Variants in ST3GAL1 observed in about 807,000 individuals in gnomAD.
ST3GAL1 encodes the protein CMP-N-acetylneuraminate-beta-galactosamide-alpha-2,3-sialyltransferase 1.
ST3GAL1 carries 16 observed loss-of-function variants against 34.1 expected under a neutral mutation model. The observed-to-expected ratio is 0.47, with a 90% CI of 0.32 to 0.71. ST3GAL1 has a LOEUF of 0.71. Ranked by LOEUF, ST3GAL1 falls within the 30% of genes least tolerant of loss-of-function variation. The pLI, the probability that ST3GAL1 is intolerant of heterozygous loss-of-function variation, is 0.04. For missense variants in ST3GAL1, 353 were observed against 447.4 expected (o/e 0.79, Z 1.90); for synonymous variants, 191 against 184.7 (o/e 1.03, Z -0.28).
At chr8:133,476,248 G>A (rs182814895) in intron 4 of ST3GAL1, 30 bp downstream of exon 4, 3 of 472,790 alleles carry the variant, frequency 6.3e-6, no homozygotes, top group African/African-American at 5.9e-5. Context: ...CGCCATTCGT[G>A]GCATGTTGGC....
At chr8:133,512,637 G>A (rs1250620833) in intron 2 of ST3GAL1, among the ~76,000 whole-genome samples, 1 of 152,148 alleles carries the variant, frequency 6.6e-6, no homozygotes, top group Non-Finnish European at 1.5e-5. Context: ...GGCCAGCTGT[G>A]AGTCTGAGTC....
At chr8:133,509,970 A>C (rs2131009679) in intron 2 of ST3GAL1, among the ~76,000 whole-genome samples, 1 of 151,754 alleles carries the variant, frequency 6.6e-6, no homozygotes, top group Middle Eastern at 3.4e-3. Context: ...GAGGCAGGAG[A>C]ATTGCTTGAA....
chr8:133,507,390 C>T (rs544192540), intron 2 of ST3GAL1, among the ~76,000 whole-genome samples: 7 of 152,266 alleles, frequency 4.6e-5, no homozygotes, highest in Non-Finnish European at 1.0e-4. Context: ...ACGCCCATGG[C>T]GATGGTAGGG....
At chr8:133,514,347 G>A (rs1817584777) in intron 2 of ST3GAL1, among the ~76,000 whole-genome samples, 1 of 152,192 alleles carries the variant, frequency 6.6e-6, no homozygotes, top group East Asian at 1.9e-4. Flanking sequence ...TAGGATCACT[G>A]CAGGAGCTCA....
chr8:133,500,261 C>T lies in ST3GAL1; in HGVS notation c.-428-1072G>A, dbSNP rs527820635. The stretch of plus-strand genomic sequence containing the variant: ...CCTCATTCTCACCCTCTCCCCATGC[C>T]CCATCAATAATGGATGAGTCTGAGG... On this transcript the variant is annotated intron_variant, in intron 2 of 9. Coordinates refer to ENST00000522652, the MANE Select transcript of ST3GAL1 (RefSeq NM_173344.3). Among the ~76,000 whole-genome samples, 16 of 152,186 alleles carry T rather than the reference C, an allele frequency of 1.1e-4. No individual in the cohort carries two copies. The South Asian group carries it at 2.3e-3, about 22-fold the overall frequency.
intron 1 of ST3GAL1, among the ~76,000 whole-genome samples, chr8:133,566,078 C>T (rs936658515): frequency 6.6e-5 from 10 of 152,354 alleles, no homozygotes; most frequent in African/African-American, 2.4e-4. Context: ...GGCACCCCGA[C>T]CATCTTATGC....
chr8:133,499,471 A>C (rs1817079615), intron 2 of ST3GAL1: 1 of 152,166 alleles, frequency 6.6e-6, no homozygotes, highest in Non-Finnish European at 1.5e-5. Context: ...TCCTGTTGTA[A>C]AAATGCTAAA....
intron 2 of ST3GAL1, among the ~76,000 whole-genome samples, chr8:133,542,465 G>T (rs1382785444): frequency 1.3e-5 from 2 of 152,304 alleles, no homozygotes; most frequent in African/African-American, 4.8e-5. Context: ...TAAAATCTGT[G>T]AGTCCACACT....
At position 133,463,417 on chromosome 8, in the gene ST3GAL1, A is replaced by T. The variant is rs1586582830; in HGVS notation, c.726T>A (p.Asp242Glu). Reference protein sequence around the residue: ...PVPAKIRVKQDKILIYHPAFI... With the variant: ...PVPAKIRVKQEKILIYHPAFI... ...AGGGGCCGGGGCCTCCACTCACCTT[A>T]TCCTGTTTCACTCTGATCTTTGCAG... Residue 242 changes from aspartate (D) to glutamate (E), a missense_variant, in exon 8 of 10, where the codon GAT (aspartate) becomes GAA (glutamate). Asp to Glu is a conservative substitution (Grantham distance 45). Transcript: ENST00000522652. 6.2e-7 allele frequency: 1 copy of T among 1,613,874 alleles called. No homozygotes were observed. The highest frequency in any genetic ancestry group is 8.5e-7 in the Non-Finnish European group (1 of 1,179,954).
intron 3 of ST3GAL1, among the ~76,000 whole-genome samples, chr8:133,491,119 T>C (rs1816771102): frequency 1.3e-5 from 2 of 152,056 alleles, no homozygotes. Flanking sequence ...GAGTAGGCAG[T>C]GTGGAGAAGT....
chr8:133,536,863 T>C (rs1310676229), intron 2 of ST3GAL1, among the ~76,000 whole-genome samples: 1 of 152,110 alleles, frequency 6.6e-6, no homozygotes, highest in Non-Finnish European at 1.5e-5. Context: ...TCCCACCTAT[T>C]TCCTAAAATC....
intron 2 of ST3GAL1, among the ~76,000 whole-genome samples, chr8:133,511,873 G>A (rs1190409230): frequency 6.6e-6 from 1 of 152,142 alleles, no homozygotes; most frequent in Non-Finnish European, 1.5e-5. Context: ...CCAACGTGGT[G>A]AAACCCCATC....
rs1309067981 is a variant in ST3GAL1 at position 133,466,500 on chromosome 8, AG to A, written c.307-411del. Among the ~76,000 whole-genome samples the A allele has an allele frequency of 6.6e-6, 1 of 152,142 alleles. No homozygotes were observed. The highest frequency in any genetic ancestry group is 1.5e-5 in the Non-Finnish European group (1 of 68,028). ...CCCCCTACGTGTCACCACTTGAAAG[AG>A]AGAAAAATAGCAGAAGCCTTCTAGC... On this transcript the variant is annotated intron_variant, in intron 5 of 9. Coordinates refer to ENST00000522652, the MANE Select transcript of ST3GAL1 (RefSeq NM_173344.3). This position sits in a 1 kb window ranked among gnomAD's most constrained non-coding sequence, Gnocchi z 4.4.
At chr8:133,513,674 T>C (rs1373722145) in intron 2 of ST3GAL1, among the ~76,000 whole-genome samples, 1 of 152,016 alleles carries the variant, frequency 6.6e-6, no homozygotes, top group Non-Finnish European at 1.5e-5. Context: ...GGCGGGCGGA[T>C]CACAAGGTCA....
Position 133,509,700 on chromosome 8 carries a change from G to A in ST3GAL1, c.-428-10511C>T, listed in dbSNP as rs539064182. On this transcript the variant is annotated intron_variant, in intron 2 of 9. Coordinates refer to ENST00000522652, the MANE Select transcript of ST3GAL1 (RefSeq NM_173344.3). The stretch of plus-strand genomic sequence containing the variant: ...AAAAGGGATAATTTTACAGGACGAG[G>A]TCAGTGAGGGAAGCAGAGCTGATCA... Among the ~76,000 whole-genome samples, 11 of 152,336 alleles carry A rather than the reference G, an allele frequency of 7.2e-5. No homozygotes were observed. In the South Asian group the frequency reaches 1.4e-3, roughly 20 times the overall value.
chr8:133,563,598 G>A (rs1374024470), intron 1 of ST3GAL1, among the ~76,000 whole-genome samples: 1 of 151,192 alleles, frequency 6.6e-6, no homozygotes, highest in Non-Finnish European at 1.5e-5. Flanking sequence ...GGCGACCACA[G>A]GGTCAACACG....
At chr8:133,477,829 C>G (rs547075440) in intron 3 of ST3GAL1, among the ~76,000 whole-genome samples, 39 of 152,110 alleles carry the variant, frequency 2.6e-4, no homozygotes, top group Admixed American at 2.2e-3. Flanking sequence ...TCCCCATTCT[C>G]AAGGTGTAGA....
chr8:133,473,293 G>A (rs1412122236), intron 5 of ST3GAL1, among the ~76,000 whole-genome samples: 1 of 152,136 alleles, frequency 6.6e-6, no homozygotes, highest in Non-Finnish European at 1.5e-5. Context: ...TATTTCCAGA[G>A]GTTGGATTTG....
intron 5 of ST3GAL1, among the ~76,000 whole-genome samples, chr8:133,474,353 CTA>C (rs1375079303): frequency 1.3e-5 from 2 of 152,324 alleles, no homozygotes; most frequent in African/African-American, 4.8e-5. Flanking sequence ...AGGAAAGACT[CTA>C]TCTTTTCCAT....
Sources: gnomAD v4.1 joint callset for allele counts (sites outside exome capture counted in the v4.1 genomes callset) on GRCh38, gnomAD v4.1.1 for gene constraint, Gnocchi (gnomAD v3.1) non-coding constraint, MANE v1.5 for transcripts, NCBI Gene and HGNC (gene_info 2026-07-23, HGNC 2026-07-21) for gene names.